Variants in JHY observed in about 807,000 individuals in gnomAD.
JHY encodes junctional cadherin complex regulator.
A neutral mutation model predicts 78.0 loss-of-function variants in JHY; 69 were observed. That is an observed-to-expected ratio of 0.88 (90% CI 0.73 to 1.08). The LOEUF is 1.08. Among genes scored for constraint, JHY ranks in the 50% least tolerant of loss-of-function variants. JHY has a pLI of 0.00. For missense variants in JHY, 944 were observed against 927.8 expected, an observed-to-expected ratio of 1.02 and a Z score of -0.23; for synonymous variants, 368 against 342.6, an observed-to-expected ratio of 1.07 and a Z score of -0.82.
In JHY at chr11:122,917,829, T is replaced by G. The variant is rs1032454513; in HGVS notation, c.865-7068T>G. On this transcript the variant is annotated intron_variant, in intron 3 of 8. Coordinates refer to ENST00000227349, the MANE Select transcript of JHY (RefSeq NM_024806.4). The surrounding 1 kb of genome is among the most constrained non-coding windows in gnomAD (Gnocchi z 4.1). ...GTCTTTCTGTAAGTTATATGAGATA[T>G]TCCTAAAAATCTCTTTCACATTCTT... is the stretch of plus-strand genomic sequence containing the variant. Among the ~76,000 whole-genome samples the G allele has an allele frequency of 1.3e-5, 2 of 152,212 alleles. No individual in the cohort carries two copies. The highest frequency in any genetic ancestry group is 2.4e-5 in the African/African-American group (1 of 41,464).
At chr11:122,937,447 C>A (rs868110609) in intron 5 of JHY, among the ~76,000 whole-genome samples, 1 of 152,126 alleles carries the variant, frequency 6.6e-6, no homozygotes, top group African/African-American at 2.4e-5. Context: ...CTTTCTTTCT[C>A]TTTCGAGACT....
intron 8 of JHY, among the ~76,000 whole-genome samples, chr11:122,958,147 T>C (rs1864230882): frequency 6.6e-6 from 1 of 152,186 alleles, no homozygotes; most frequent in Non-Finnish European, 1.5e-5. Context: ...ATACAGAATG[T>C]TCTCCCTCTC....
chr11:122,890,057 GTTT>G (rs34251446), intron 2 of JHY, among the ~76,000 whole-genome samples: 1 of 148,448 alleles, frequency 6.7e-6, no homozygotes, highest in Non-Finnish European at 1.5e-5. Flanking sequence ...CCAGTTTCTT[GTTT>G]TTTTTTTTCC....
intron 2 of JHY, among the ~76,000 whole-genome samples, chr11:122,902,228 G>A (rs1018372930): frequency 4.6e-5 from 7 of 151,954 alleles, no homozygotes; most frequent in Non-Finnish European, 1.0e-4. Context: ...AGGCTGAAGC[G>A]AGTGGATCAC....
intron 3 of JHY, among the ~76,000 whole-genome samples, chr11:122,912,864 C>T (rs946224326): frequency 1.3e-5 from 2 of 151,998 alleles, no homozygotes; most frequent in African/African-American, 2.4e-5. Context: ...ATTTCTGCTT[C>T]GGAGGGCTAT....
chr11:122,897,887 A>C (rs538819147), intron 2 of JHY, among the ~76,000 whole-genome samples: 1 of 152,288 alleles, frequency 6.6e-6, no homozygotes, highest in South Asian at 2.1e-4. Flanking sequence ...TAAACTGAAG[A>C]CTACCTAATT....
intron 3 of JHY, among the ~76,000 whole-genome samples, chr11:122,909,267 A>C (rs763684328): frequency 7.9e-5 from 12 of 152,370 alleles, no homozygotes; most frequent in Non-Finnish European, 1.8e-4. Flanking sequence ...AGAATAAATT[A>C]GTATAACCAG....
At chr11:122,896,992 G>C (rs982312807) in intron 2 of JHY, among the ~76,000 whole-genome samples, 1 of 152,034 alleles carries the variant, frequency 6.6e-6, no homozygotes. Context: ...GAGTAGCTGG[G>C]ATTACAGGCA....
chr11:122,929,560 A>G (rs1863593456), intron 4 of JHY, among the ~76,000 whole-genome samples: 1 of 152,110 alleles, frequency 6.6e-6, no homozygotes, highest in African/African-American at 2.4e-5. Context: ...TGTCTGCCTC[A>G]CGCATCCCAG....
chr11:122,922,933 CA>C (rs1219928035), intron 3 of JHY, among the ~76,000 whole-genome samples: 1 of 151,900 alleles, frequency 6.6e-6, no homozygotes, highest in Non-Finnish European at 1.5e-5. Flanking sequence ...CACAGCCCAC[CA>C]GAGGAAATGT....
rs928365794 is a variant in JHY at position 122,917,604 on chromosome 11, A to G, written c.865-7293A>G. Among the ~76,000 whole-genome samples the G allele has an allele frequency of 1.6e-4, 25 of 152,226 alleles. No individual in the cohort carries two copies. The highest frequency in any genetic ancestry group is 5.8e-4 in the African/African-American group (24 of 41,464). On this transcript the variant is annotated intron_variant, in intron 3 of 8. Coordinates refer to ENST00000227349, the MANE Select transcript of JHY (RefSeq NM_024806.4). The surrounding 1 kb of genome is among the most constrained non-coding windows in gnomAD (Gnocchi z 4.1). ...TCCAAGTGATTTTGATACATGCTCA[A>G]ATTTTAAAACCCCTATGTTAAAATG...
At chr11:122,928,564 A>C (rs577510273) in intron 4 of JHY, among the ~76,000 whole-genome samples, 2 of 151,676 alleles carry the variant, frequency 1.3e-5, no homozygotes, top group Non-Finnish European at 2.9e-5. Context: ...AAAAAAAAAA[A>C]AAACAAGCAA....
chr11:122,934,607 G>T lies in JHY; in HGVS notation c.1166G>T (p.Gly389Val), dbSNP rs751965622. 1 of 1,614,072 alleles carries T rather than the reference G, an allele frequency of 6.2e-7. No homozygotes were observed. Among genetic ancestry groups the T allele is most frequent in the East Asian group, 2.2e-5 (1 of 44,850 alleles). ...ACGGAAGAGGTGACTGCCAGTCAGG[G>T]GAACCAGAATAACCCTCCCAGGCAG... ...STTEEVTASQ[G>V]NQNNPPRQQQ... The change falls in exon 5 of 9, where the codon GGG (glycine) becomes GTG (valine). Residue 389 changes from glycine (G) to valine (V), a missense_variant. Coordinates refer to ENST00000227349, the MANE Select transcript of JHY (RefSeq NM_024806.4).
intron 3 of JHY, chr11:122,905,116 T>C: frequency 8.1e-7 from 1 of 1,234,574 alleles, no homozygotes; most frequent in East Asian, 2.3e-5. Context: ...GATTAAACAT[T>C]AGTCTCTTTA....
chr11:122,901,490 G>T (rs368987962), intron 2 of JHY, among the ~76,000 whole-genome samples: 1 of 150,452 alleles, frequency 6.6e-6, no homozygotes, highest in African/African-American at 2.4e-5. Context: ...TAACTCTTTT[G>T]TAATAACACA....
rs1863253021 is a variant in JHY, at chr11:122,917,356, G to C, written c.865-7541G>C. Among the ~76,000 whole-genome samples, 2 of 152,198 alleles carry C rather than the reference G, an allele frequency of 1.3e-5. No individual in the cohort carries two copies. Among genetic ancestry groups the C allele is most frequent in the Admixed American group, 1.3e-4 (2 of 15,284 alleles). ...GTAGTTGTATGTGGCTAGATTGTGA[G>C]GATGAGAATATGGATATTTAGGTTA... On this transcript the variant is annotated intron_variant, in intron 3 of 8. Transcript: ENST00000227349. This position sits in a 1 kb window ranked among gnomAD's most constrained non-coding sequence, Gnocchi z 4.1.
chr11:122,903,801 C>A, intron 2 of JHY, 124 bp from the exon 3 acceptor site: 2 of 1,324,768 alleles, frequency 1.5e-6, no homozygotes, highest in Non-Finnish European at 2.1e-6. Flanking sequence ...GTTTAGCATA[C>A]AGATAATAAA....
At chr11:122,894,954 G>A (rs1249501644) in intron 2 of JHY, among the ~76,000 whole-genome samples, 1 of 152,094 alleles carries the variant, frequency 6.6e-6, no homozygotes, top group African/African-American at 2.4e-5. Flanking sequence ...AAATTTTCTG[G>A]ATTGCAAATA....
intron 2 of JHY, among the ~76,000 whole-genome samples, chr11:122,891,077 G>A (rs1862605749): frequency 6.6e-6 from 1 of 152,108 alleles, no homozygotes; most frequent in African/African-American, 2.4e-5. Flanking sequence ...AAATAGACAA[G>A]GAAATTGATC....
Sources: gnomAD v4.1 joint callset for allele counts (sites outside exome capture counted in the v4.1 genomes callset) on GRCh38, gnomAD v4.1.1 for gene constraint, Gnocchi (gnomAD v3.1) non-coding constraint, MANE v1.5 for transcripts, NCBI Gene and HGNC (gene_info 2026-07-23, HGNC 2026-07-21) for gene names.